Variants in MNS1 observed in about 807,000 individuals in gnomAD.
MNS1 encodes meiosis specific nuclear structural 1, also known as meiosis-specific nuclear structural protein 1.
MNS1 carries 63 observed loss-of-function variants against 72.0 expected under a neutral mutation model. The observed-to-expected ratio is 0.87, with a 90% CI of 0.71 to 1.08. The LOEUF is 1.08. MNS1 is among the 50% of genes least tolerant of loss of function. MNS1 has a pLI of 0.00. For missense variants in MNS1, 604 were observed against 562.4 expected, an observed-to-expected ratio of 1.07 and a Z score of -0.75; for synonymous variants, 188 against 172.1, an observed-to-expected ratio of 1.09 and a Z score of -0.72.
chr15:56,438,331 T>C (rs1463110281), intron 7 of MNS1, among the ~76,000 whole-genome samples: 1 of 151,604 alleles, frequency 6.6e-6, no homozygotes, highest in Non-Finnish European at 1.5e-5. Context: ...AACCATCTGC[T>C]CTTTTTTTTT....
intron 2 of MNS1, among the ~76,000 whole-genome samples, chr15:56,462,295 T>C (rs1409051215): frequency 6.6e-6 from 1 of 152,180 alleles, no homozygotes; most frequent in Non-Finnish European, 1.5e-5. Context: ...AGATGAAAGT[T>C]TGATGGGAAC....
In MNS1 at chr15:56,443,031, T is replaced by C. The variant is rs73415837; in HGVS notation, c.1011+399A>G. 3.3e-3 allele frequency among the ~76,000 whole-genome samples: 502 copies of C among 152,334 alleles called. 2 individuals are homozygous for C. The highest frequency in any genetic ancestry group is 0.012 in the African/African-American group (484 of 41,576). On this transcript the variant is annotated intron_variant, in intron 7 of 9. Transcript: ENST00000260453. ...TTAGGTTCACACGCCTTTAGGACTA[T>C]GACATCTTCTAGATGAATTTACTGT... is the stretch of plus-strand genomic sequence containing the variant.
At chr15:56,456,879 C>T (rs2140377311) in intron 2 of MNS1, among the ~76,000 whole-genome samples, 1 of 152,178 alleles carries the variant, frequency 6.6e-6, no homozygotes, top group African/African-American at 2.4e-5. Flanking sequence ...CATCATGTCA[C>T]TTACCATGTA....
At chr15:56,435,237 C>T (rs1306360730) in intron 7 of MNS1, among the ~76,000 whole-genome samples, 7 of 151,636 alleles carry the variant, frequency 4.6e-5, no homozygotes, top group Non-Finnish European at 1.0e-4. Context: ...AGTCTCAAAT[C>T]GATAATCTAA....
At chr15:56,459,449 C>T (rs1273261100) in intron 2 of MNS1, among the ~76,000 whole-genome samples, 2 of 152,120 alleles carry the variant, frequency 1.3e-5, no homozygotes, top group Non-Finnish European at 2.9e-5. Context: ...TAGATATATG[C>T]CTTCAATTAT....
chr15:56,440,616 T>C (rs1227828930), intron 7 of MNS1, among the ~76,000 whole-genome samples: 6 of 152,134 alleles, frequency 3.9e-5, no homozygotes, highest in African/African-American at 9.6e-5. Context: ...TACATGCCAA[T>C]GGAATGTTAC....
rs560047990 is a variant in MNS1, at chr15:56,457,181, T to C, written c.226-660A>G. On this transcript the variant is annotated intron_variant, in intron 2 of 9. Transcript: ENST00000260453. ...CTGACTTGTTATAGAAATTAGGACA[T>C]ACATCCCGTAGAATGTTCCACATTT... is the stretch of plus-strand genomic sequence containing the variant. Among the ~76,000 whole-genome samples the C allele has an allele frequency of 2.3e-4, 35 of 152,316 alleles. 1 individual carries two copies. In the South Asian group the frequency reaches 7.2e-3, roughly 32 times the overall value.
At chr15:56,441,559 G>A (rs1464944245) in intron 7 of MNS1, among the ~76,000 whole-genome samples, 1 of 152,014 alleles carries the variant, frequency 6.6e-6, no homozygotes, top group African/African-American at 2.4e-5. Flanking sequence ...ATTGACAAGT[G>A]GGACCTAGTT....
chr15:56,435,793 G>A (rs1199853772), intron 7 of MNS1, among the ~76,000 whole-genome samples: 4 of 151,974 alleles, frequency 2.6e-5, no homozygotes, highest in Admixed American at 6.6e-5. Flanking sequence ...AACAGAAGAG[G>A]AGGAAACATA....
chr15:56,461,999 T>G (rs12905071), intron 2 of MNS1, among the ~76,000 whole-genome samples: 3,282 of 141,484 alleles, frequency 0.023, 178 homozygotes, highest in African/African-American at 0.082. Context: ...TTTTTTTTTT[T>G]TTTTTTTTTT....
At chr15:56,434,650 A>G (rs1168648455) in intron 7 of MNS1, among the ~76,000 whole-genome samples, 4 of 152,178 alleles carry the variant, frequency 2.6e-5, no homozygotes, top group Admixed American at 6.5e-5. Context: ...TCTACTCAGA[A>G]TTAACACGTA....
At chr15:56,463,415 T>C (rs1402399733) in intron 2 of MNS1, among the ~76,000 whole-genome samples, 1 of 152,204 alleles carries the variant, frequency 6.6e-6, no homozygotes, top group African/African-American at 2.4e-5. Flanking sequence ...GAGTCTTGCA[T>C]GTATTAACTC....
intron 9 of MNS1, among the ~76,000 whole-genome samples, chr15:56,430,989 T>C (rs1423061250): frequency 2.0e-5 from 3 of 152,096 alleles, no homozygotes; most frequent in South Asian, 2.1e-4. Flanking sequence ...AGCAAAATCC[T>C]GTCCTTACCA....
chr15:56,464,794 T>G (rs752367451), intron 1 of MNS1, among the ~76,000 whole-genome samples, 176 bp downstream of exon 1: 3 of 152,190 alleles, frequency 2.0e-5, no homozygotes, highest in Non-Finnish European at 4.4e-5. Flanking sequence ...CCAAAAAAGC[T>G]GGAAACCACC....
intron 3 of MNS1, among the ~76,000 whole-genome samples, chr15:56,451,494 T>C (rs1452316183): frequency 3.3e-5 from 5 of 152,180 alleles, no homozygotes; most frequent in African/African-American, 1.2e-4. Context: ...TTTCTGATGT[T>C]TGTAGTCGGG....
At chr15:56,454,287 A>G (rs1014701936) in intron 3 of MNS1, among the ~76,000 whole-genome samples, 2 of 152,150 alleles carry the variant, frequency 1.3e-5, no homozygotes, top group Admixed American at 1.3e-4. Flanking sequence ...TAGGCATGCA[A>G]TGCATACTAA....
chr15:56,458,223 A>G (rs2050993398), intron 2 of MNS1, among the ~76,000 whole-genome samples: 1 of 152,180 alleles, frequency 6.6e-6, no homozygotes, highest in African/African-American at 2.4e-5. Flanking sequence ...ACAATTCACA[A>G]TTCAGTGATG....
At position 56,460,003 on chromosome 15, in the gene MNS1, A is replaced by ATATATATATATAT. The variant is rs1243035397; in HGVS notation, c.226-3483_226-3482insATATATATATATA. Among the ~76,000 whole-genome samples the ATATATATATATAT allele has an allele frequency of 2.4e-4, 8 of 32,856 alleles. 1 individual carries two copies. The highest frequency in any genetic ancestry group is 9.0e-4 in the African/African-American group (8 of 8,854). 21.6% of individuals were successfully genotyped at this position (32,856 alleles called of 152,430 possible). A position where few individuals can be genotyped will look rare whatever the true frequency, so the allele number is the denominator to read the frequency against. On this transcript the variant is annotated intron_variant, in intron 2 of 9. Coordinates refer to ENST00000260453, the MANE Select transcript of MNS1 (RefSeq NM_018365.4). ...GAAATTCTGTCTCAAAAAAAAAAAA[A>ATATATATATATAT]AAAAAAATACATATATATATATATA...
At chr15:56,460,007 A>AT (rs1555449663) in intron 2 of MNS1, among the ~76,000 whole-genome samples, 1 of 27,634 alleles carries the variant, frequency 3.6e-5, no homozygotes, top group African/African-American at 1.3e-4. Context: ...AAAAAAAAAA[A>AT]AAATACATAT....
Sources: gnomAD v4.1 joint callset for allele counts (sites outside exome capture counted in the v4.1 genomes callset) on GRCh38, gnomAD v4.1.1 for gene constraint, MANE v1.5 for transcripts, NCBI Gene and HGNC (gene_info 2026-07-23, HGNC 2026-07-21) for gene names.